Variants in PCA3 observed in about 807,000 individuals in gnomAD.
PCA3 encodes Differential Display code 3.
At position 76,767,200 on chromosome 9, in the gene PCA3, C is replaced by T. The variant is rs1589107006; in HGVS notation, n.852+30585C>T. Among the ~76,000 whole-genome samples the T allele has an allele frequency of 3.3e-5, 5 of 152,244 alleles. No homozygotes were observed. The South Asian group carries it at 1.0e-3, about 32-fold the overall frequency. On this transcript the variant is annotated intron_variant and non_coding_transcript_variant, in intron 2 of 5. Coordinates refer to ENST00000644657, the Ensembl canonical transcript of PCA3. ...GGCACTGTGGGTCACGCCTGTAATC[C>T]CAGCACTTTGGGAGGCCGAGGTGGG...
chr9:76,767,562 T>C (rs1273724739), intron 2 of PCA3, among the ~76,000 whole-genome samples: 2 of 152,186 alleles, frequency 1.3e-5, no homozygotes, highest in African/African-American at 4.8e-5. Context: ...AAAAGAACTA[T>C]TTTCCAGAAC....
chr9:76,785,715 G>A (rs2054904832), intron 2 of PCA3: 1 of 150,582 alleles, frequency 6.6e-6, no homozygotes, highest in Admixed American at 6.6e-5. Flanking sequence ...AGCTACTCAG[G>A]ACCAGTTGTT....
chr9:76,773,916 T>C (rs918534395), intron 2 of PCA3, among the ~76,000 whole-genome samples: 1 of 151,930 alleles, frequency 6.6e-6, no homozygotes, highest in East Asian at 1.9e-4. Flanking sequence ...ATAAAGCAGG[T>C]AGAGAAATGA....
intron 2 of PCA3, chr9:76,786,138 C>T (rs1381197827): frequency 6.6e-6 from 1 of 152,186 alleles, no homozygotes; most frequent in Non-Finnish European, 1.5e-5. Flanking sequence ...TGAATTCCCT[C>T]ATCTTTTAGG....
At chr9:76,768,579 A>G (rs13296709) in intron 2 of PCA3, among the ~76,000 whole-genome samples, 2,518 of 100,344 alleles carry the variant, frequency 0.025, 42 homozygotes, top group African/African-American at 0.053. Context: ...ATATATGTAT[A>G]TGTATGTGTG....
intron 2 of PCA3, among the ~76,000 whole-genome samples, chr9:76,775,306 T>C (rs922421400): frequency 2.6e-5 from 4 of 151,010 alleles, no homozygotes; most frequent in Non-Finnish European, 5.9e-5. Context: ...TACTTTGTCT[T>C]TTTTTTTTGA....
intron 2 of PCA3, among the ~76,000 whole-genome samples, chr9:76,777,693 A>T (rs571812852): frequency 6.9e-4 from 105 of 152,374 alleles, no homozygotes; most frequent in African/African-American, 2.4e-3. Context: ...TAGACATGTT[A>T]TATGTCAATG....
intron 2 of PCA3, chr9:76,784,347 G>A (rs965676514): frequency 1.3e-5 from 2 of 152,184 alleles, no homozygotes; most frequent in African/African-American, 2.4e-5. Context: ...AAATCTTGAT[G>A]GCTTCACAAG....
intron 2 of PCA3, among the ~76,000 whole-genome samples, chr9:76,767,838 T>C (rs2052588866): frequency 6.6e-6 from 1 of 152,216 alleles, no homozygotes; most frequent in Non-Finnish European, 1.5e-5. Context: ...TCCTTTTCGG[T>C]GTTTTCAGCA....
At chr9:76,766,884 C>G (rs982196313) in intron 2 of PCA3, among the ~76,000 whole-genome samples, 2 of 152,210 alleles carry the variant, frequency 1.3e-5, no homozygotes, top group African/African-American at 4.8e-5. Context: ...AACTCATACA[C>G]AGGCATACAC....
intron 2 of PCA3, among the ~76,000 whole-genome samples, chr9:76,773,436 A>C (rs1018020843): frequency 5.1e-5 from 7 of 138,308 alleles, no homozygotes; most frequent in Non-Finnish European, 9.1e-5. Context: ...ACACTAGTAC[A>C]TCTTTTTTTT....
At chr9:76,766,600 C>T (rs898683977) in intron 2 of PCA3, among the ~76,000 whole-genome samples, 6 of 152,144 alleles carry the variant, frequency 3.9e-5, no homozygotes, top group Non-Finnish European at 7.3e-5. Flanking sequence ...TGCTTTCCTT[C>T]CATGTTTTGG....
chr9:76,771,979 C>G (rs1036458852), intron 2 of PCA3, among the ~76,000 whole-genome samples: 1 of 152,202 alleles, frequency 6.6e-6, no homozygotes, highest in African/African-American at 2.4e-5. Context: ...ATGCCAAACA[C>G]AAATCTGCAC....
chr9:76,769,121 T>C (rs11145052), intron 2 of PCA3, among the ~76,000 whole-genome samples: 1,736 of 152,330 alleles, frequency 0.011, 31 homozygotes, highest in African/African-American at 0.039. Flanking sequence ...TCTTTCATTA[T>C]GGTACTCATA....
At chr9:76,781,711 A>G (rs1236539348) in intron 2 of PCA3, among the ~76,000 whole-genome samples, 1 of 152,230 alleles carries the variant, frequency 6.6e-6, no homozygotes, top group African/African-American at 2.4e-5. Context: ...CTCCAAGAGG[A>G]TAAGAATTAT....
intron 2 of PCA3, among the ~76,000 whole-genome samples, chr9:76,772,945 C>A (rs1387107155): frequency 1.3e-5 from 2 of 152,160 alleles, no homozygotes; most frequent in African/African-American, 4.8e-5. Flanking sequence ...GGAAGCCCAA[C>A]CAAGTCACTT....
At chr9:76,768,834 G>C (rs1231094339) in intron 2 of PCA3, among the ~76,000 whole-genome samples, 1 of 152,024 alleles carries the variant, frequency 6.6e-6, no homozygotes, top group Non-Finnish European at 1.5e-5. Context: ...TGGATTCTAT[G>C]CTACATTAAA....
At chr9:76,771,099 C>T (rs563242774) in intron 2 of PCA3, among the ~76,000 whole-genome samples, 6 of 151,996 alleles carry the variant, frequency 3.9e-5, no homozygotes, top group Middle Eastern at 3.4e-3. Context: ...AAACAGAAAA[C>T]GCCACAGAAA....
At chr9:76,775,839 C>T (rs1272373769) in intron 2 of PCA3, among the ~76,000 whole-genome samples, 1 of 152,202 alleles carries the variant, frequency 6.6e-6, no homozygotes, top group East Asian at 1.9e-4. Context: ...TCTAACACAT[C>T]CTTCTCTAGC....
Sources: gnomAD v4.1 joint callset for allele counts (sites outside exome capture counted in the v4.1 genomes callset) on GRCh38, gnomAD v4.1.1 for gene constraint, MANE v1.5 for transcripts, NCBI Gene and HGNC (gene_info 2026-07-23, HGNC 2026-07-21) for gene names.